Variants in ZNF568 observed in about 807,000 individuals in gnomAD.
ZNF568 encodes p53 inhibitor of SCO2 activation.
A neutral mutation model predicts 18.1 loss-of-function variants in ZNF568; 11 were observed. That is an observed-to-expected ratio of 0.61 (90% CI 0.38 to 1.00). The LOEUF (loss-of-function observed/expected upper bound fraction) is 1.00, where lower values mean the gene tolerates loss of function less well. ZNF568 is among the 50% of genes least tolerant of loss of function. The pLI, the probability that ZNF568 is intolerant of heterozygous loss-of-function variation, is 0.01. For missense variants in ZNF568, 639 were observed against 768.2 expected (o/e 0.83, Z 1.99); for synonymous variants, 213 against 246.6 (o/e 0.86, Z 1.28).
intron 4 of ZNF568, among the ~76,000 whole-genome samples, chr19:36,934,740 G>T (rs1052407772): frequency 6.6e-6 from 1 of 152,100 alleles, no homozygotes. Flanking sequence ...GTTTTGGTAT[G>T]TTGCACCCTC....
At position 36,936,882 on chromosome 19, in the gene ZNF568, C is replaced by CT. The variant is rs750418098; in HGVS notation, c.262+12dup. The CT allele has an allele frequency of 7.1e-5, 114 of 1,609,268 alleles. 3 individuals are homozygous for CT. The South Asian group carries it at 1.2e-3, about 17-fold the overall frequency. On this transcript the variant is annotated intron_variant, in intron 5 of 6. Coordinates refer to ENST00000333987, the MANE Select transcript of ZNF568 (RefSeq NM_198539.4). ...AACCTAGTCACAGTGGGTAAGGTGG[C>CT]TTGGTAGCCTTGCAATTTAACAGAG...
intron 4 of ZNF568, among the ~76,000 whole-genome samples, chr19:36,930,207 C>A: frequency 7.6e-6 from 1 of 132,092 alleles, no homozygotes. Flanking sequence ...GTCAGGGATG[C>A]AATTTCTTTT....
chr19:36,931,667 T>C (rs2073688649), intron 4 of ZNF568: 1 of 152,168 alleles, frequency 6.6e-6, no homozygotes, highest in Non-Finnish European at 1.5e-5. Context: ...TATTCCCAGC[T>C]TCACTGAGAT....
At chr19:36,986,522 T>C (rs939042315) in intron 2 of ZNF568, among the ~76,000 whole-genome samples, 1 of 152,216 alleles carries the variant, frequency 6.6e-6, no homozygotes, top group Non-Finnish European at 1.5e-5. Flanking sequence ...CATCCTTGAA[T>C]TCTAAAATAT....
downstream of ZNF568, among the ~76,000 whole-genome samples, chr19:36,953,995 G>T (rs775002911): frequency 1.6e-4 from 25 of 152,154 alleles, no homozygotes; most frequent in Non-Finnish European, 2.8e-4. Context: ...AGGCCTAGGC[G>T]GGCCGATTAC....
At chr19:36,995,101 A>G (rs553551539) in intron 4 of ZNF568, among the ~76,000 whole-genome samples, 1 of 151,982 alleles carries the variant, frequency 6.6e-6, no homozygotes, top group South Asian at 2.1e-4. Flanking sequence ...CCTTGAATCT[A>G]AAGTTTGTCT....
At chr19:36,939,688 C>T (rs1474167024) in intron 6 of ZNF568, among the ~76,000 whole-genome samples, 1 of 151,784 alleles carries the variant, frequency 6.6e-6, no homozygotes, top group African/African-American at 2.4e-5. Flanking sequence ...TACAGGCACG[C>T]GTGACCATGC....
intron 2 of ZNF568, among the ~76,000 whole-genome samples, chr19:36,919,608 GC>G (rs2073416123): frequency 6.6e-6 from 1 of 152,160 alleles, no homozygotes; most frequent in Admixed American, 6.5e-5. Context: ...AGAAGGTGGA[GC>G]TCAGGCGGTA....
intron 6 of ZNF568, among the ~76,000 whole-genome samples, chr19:36,968,413 A>G (rs2074210373): frequency 6.7e-6 from 1 of 148,574 alleles, no homozygotes; most frequent in South Asian, 2.2e-4. Context: ...TCTCTACTAA[A>G]AATACAAAAA....
chr19:36,985,485 G>T (rs1009088824), intron 2 of ZNF568, among the ~76,000 whole-genome samples: 3 of 150,368 alleles, frequency 2.0e-5, no homozygotes, highest in Non-Finnish European at 3.0e-5. Context: ...ATGGAATTAT[G>T]CCTCTTTGCA....
chr19:36,969,070 T>A (rs1031092189), intron 6 of ZNF568, among the ~76,000 whole-genome samples: 1 of 152,160 alleles, frequency 6.6e-6, no homozygotes, highest in Non-Finnish European at 1.5e-5. Flanking sequence ...TTAGCCAAGA[T>A]GGTCTCAATC....
intron 4 of ZNF568, among the ~76,000 whole-genome samples, chr19:36,994,514 C>G (rs1267694324): frequency 6.6e-6 from 1 of 152,150 alleles, no homozygotes; most frequent in East Asian, 1.9e-4. Context: ...GTATTGAAGT[C>G]TTCAATTTGT....
chr19:36,932,946 T>C (rs148994114), intron 4 of ZNF568, among the ~76,000 whole-genome samples: 1 of 152,350 alleles, frequency 6.6e-6, no homozygotes, highest in East Asian at 1.9e-4. Context: ...GATAAATGAT[T>C]TGGAAATATT....
At chr19:36,978,359 C>A (rs140524594) in intron 7 of ZNF568, among the ~76,000 whole-genome samples, 1 of 152,282 alleles carries the variant, frequency 6.6e-6, no homozygotes, top group Non-Finnish European at 1.5e-5. Flanking sequence ...TCCAACATCA[C>A]TTCTCTCTAC....
intron 2 of ZNF568, among the ~76,000 whole-genome samples, chr19:36,990,698 C>G (rs1235477295): frequency 6.6e-6 from 1 of 152,170 alleles, no homozygotes; most frequent in Non-Finnish European, 1.5e-5. Flanking sequence ...CCTACTTCCT[C>G]AAAACAAGAA....
At chr19:36,939,532 CTTTTTTTTTTTTTTT>C (rs386388962) in intron 6 of ZNF568, among the ~76,000 whole-genome samples, 1 of 93,084 alleles carries the variant, frequency 1.1e-5, no homozygotes, top group African/African-American at 4.3e-5. Context: ...TATTTTCTTT[CTTTTTTTTTTTTTTT>C]TTTTTTTTTT....
chr19:36,932,944 A>G (rs531460704), intron 4 of ZNF568, among the ~76,000 whole-genome samples: 1 of 152,252 alleles, frequency 6.6e-6, no homozygotes, highest in East Asian at 1.9e-4. Flanking sequence ...CAGATAAATG[A>G]TTTGGAAATA....
downstream of ZNF568, among the ~76,000 whole-genome samples, chr19:36,955,472 C>T (rs2074101214): frequency 2.0e-5 from 3 of 152,112 alleles, no homozygotes; most frequent in African/African-American, 7.2e-5. Flanking sequence ...GGGCGTTTTA[C>T]TGATCTTGTG....
chr19:36,957,472 T>C (rs563883817), downstream of ZNF568, among the ~76,000 whole-genome samples: 1 of 152,200 alleles, frequency 6.6e-6, no homozygotes, highest in South Asian at 2.1e-4. Flanking sequence ...CCTCAGGTGA[T>C]CCGCCTCAGC....
Sources: gnomAD v4.1 joint callset for allele counts (sites outside exome capture counted in the v4.1 genomes callset) on GRCh38, gnomAD v4.1.1 for gene constraint, MANE v1.5 for transcripts, NCBI Gene and HGNC (gene_info 2026-07-23, HGNC 2026-07-21) for gene names.